Variants in ATP6V1C1 observed in about 807,000 individuals in gnomAD.
ATP6V1C1 encodes V-type proton ATPase subunit C 1.
Under a neutral mutation model 53.9 loss-of-function variants are expected in ATP6V1C1, and 45 were observed. The ratio of observed to expected loss-of-function variants is 0.83; its 90% CI spans 0.66 to 1.07. The LOEUF (loss-of-function observed/expected upper bound fraction) is 1.07. Among genes scored for constraint, ATP6V1C1 ranks in the 50% least tolerant of loss-of-function variants. ATP6V1C1 has a pLI of 0.00. For synonymous variants in ATP6V1C1, 153 were observed against 155.2 expected (o/e 0.99, Z 0.11); for missense variants, 315 against 440.3 (o/e 0.72, Z 2.55).
chr8:103,054,253 TATTG>T (rs1217550318), intron 7 of ATP6V1C1, among the ~76,000 whole-genome samples: 1 of 152,042 alleles, frequency 6.6e-6, no homozygotes, highest in East Asian at 1.9e-4. Flanking sequence ...AATGCTAAAT[TATTG>T]ATTGTTTAAA....
chr8:103,025,884 T>C (rs1427586158), intron 1 of ATP6V1C1, among the ~76,000 whole-genome samples: 1 of 152,230 alleles, frequency 6.6e-6, no homozygotes, highest in Non-Finnish European at 1.5e-5. Flanking sequence ...TTAAAGTCTT[T>C]AAGTTGGTGA....
At chr8:103,039,829 G>A (rs1305447378) in intron 1 of ATP6V1C1, among the ~76,000 whole-genome samples, 3 of 151,950 alleles carry the variant, frequency 2.0e-5, no homozygotes, top group Admixed American at 6.6e-5. Context: ...CTGCCTCTCA[G>A]ATCCAAAAAT....
intron 7 of ATP6V1C1, 131 bp downstream of exon 7, chr8:103,054,113 A>G (rs1030705940): frequency 3.2e-6 from 2 of 626,506 alleles, no homozygotes; most frequent in African/African-American, 1.9e-5. Context: ...TCATTCTGTC[A>G]TCAACATTTG....
intron 2 of ATP6V1C1, among the ~76,000 whole-genome samples, chr8:103,041,675 C>A (rs915967320): frequency 6.6e-6 from 1 of 151,996 alleles, no homozygotes; most frequent in Non-Finnish European, 1.5e-5. Flanking sequence ...AGTTTGAGAC[C>A]AGCATGGCCA....
chr8:103,025,276 G>T (rs1329408708), intron 1 of ATP6V1C1, among the ~76,000 whole-genome samples: 2 of 152,214 alleles, frequency 1.3e-5, no homozygotes, highest in Non-Finnish European at 2.9e-5. Flanking sequence ...GCTATTGGCA[G>T]TTTGGAGGTC....
At chr8:103,055,832 T>C in intron 7 of ATP6V1C1, 36 bp from the exon 8 acceptor site, 1 of 1,590,426 alleles carries the variant, frequency 6.3e-7, no homozygotes, top group Non-Finnish European at 8.6e-7. Flanking sequence ...TAGGACTTGT[T>C]TTTCTTTTCC....
Position 103,048,977 on chromosome 8 carries a change from A to G in ATP6V1C1, c.286+22A>G, listed in dbSNP as rs1011869444. The G allele has an allele frequency of 2.5e-6, 4 of 1,600,310 alleles. No individual in the cohort carries two copies. The African/African-American group carries it at 4.0e-5, about 16-fold the overall frequency. ...GGAGGTAAGCTAATGCTCATGATTG[A>G]TCATTATTAACTCATACAAAGCAAA... is the stretch of plus-strand genomic sequence containing the variant. On this transcript the variant is annotated intron_variant, in intron 4 of 12. Coordinates refer to ENST00000518738, the MANE Select transcript of ATP6V1C1 (RefSeq NM_001695.5).
At chr8:103,065,396 A>G (rs1817470874) in intron 11 of ATP6V1C1, among the ~76,000 whole-genome samples, 1 of 152,088 alleles carries the variant, frequency 6.6e-6, no homozygotes. Context: ...TACTAAAAAT[A>G]TAAAAAAATT....
At chr8:103,047,476 AG>A (rs1364914724) in intron 3 of ATP6V1C1, among the ~76,000 whole-genome samples, 1 of 139,878 alleles carries the variant, frequency 7.1e-6, no homozygotes, top group African/African-American at 2.6e-5. Context: ...TTTTTTTTTA[AG>A]GAAAAAAAAC....
intron 1 of ATP6V1C1, 98 bp from the exon 2 acceptor site, chr8:103,040,700 T>C: frequency 9.3e-7 from 1 of 1,075,402 alleles, no homozygotes. Flanking sequence ...AGATTAGTTT[T>C]GAAACAGGTT....
At chr8:103,046,076 G>A (rs539515991) in intron 3 of ATP6V1C1, among the ~76,000 whole-genome samples, 13 of 152,016 alleles carry the variant, frequency 8.6e-5, no homozygotes, top group South Asian at 2.1e-4. Flanking sequence ...TGAGAAAGGA[G>A]GTCCCTGAGA....
intron 1 of ATP6V1C1, among the ~76,000 whole-genome samples, chr8:103,028,045 T>A (rs759392305): frequency 6.6e-6 from 1 of 152,206 alleles, no homozygotes; most frequent in Non-Finnish European, 1.5e-5. Context: ...TCAGATGAGA[T>A]GTGTGACAAA....
At chr8:103,062,063 T>G (rs1817407889) in intron 8 of ATP6V1C1, among the ~76,000 whole-genome samples, 1 of 152,042 alleles carries the variant, frequency 6.6e-6, no homozygotes, top group African/African-American at 2.4e-5. Context: ...GAATGGAAGT[T>G]CTGACCTCAC....
chr8:103,067,742 G>C (rs556438447), intron 12 of ATP6V1C1, among the ~76,000 whole-genome samples: 2 of 151,224 alleles, frequency 1.3e-5, no homozygotes, highest in Non-Finnish European at 1.5e-5. Context: ...CTGGGATTAT[G>C]CCTGGCTAAT....
chr8:103,022,016 T>C (rs1816605706), intron 1 of ATP6V1C1, among the ~76,000 whole-genome samples: 1 of 152,206 alleles, frequency 6.6e-6, no homozygotes, highest in African/African-American at 2.4e-5. Flanking sequence ...GTGAACAGTC[T>C]ATCCTTAGGA....
rs74674795 is a variant in ATP6V1C1 at position 103,023,908 on chromosome 8, G to C, written c.-40+2683G>C. 1.6e-3 allele frequency among the ~76,000 whole-genome samples: 236 copies of C among 151,416 alleles called. 4 individuals are homozygous for C. In the South Asian group the frequency reaches 0.045, roughly 29 times the overall value. ...TCTTTGATTCAGCATTTTTTTTTGG[G>C]GGGGGGGAACTTCTCCCTGAAGAGT... On this transcript the variant is annotated intron_variant, in intron 1 of 12. Coordinates refer to ENST00000518738, the MANE Select transcript of ATP6V1C1 (RefSeq NM_001695.5).
intron 5 of ATP6V1C1, among the ~76,000 whole-genome samples, chr8:103,051,887 GGA>G (rs1817206307): frequency 6.6e-6 from 1 of 152,058 alleles, no homozygotes; most frequent in Non-Finnish European, 1.5e-5. Context: ...TTAAATTATT[GGA>G]CAGACTTTCC....
At chr8:103,066,820 G>A (rs17790247) in intron 12 of ATP6V1C1, among the ~76,000 whole-genome samples, 33,746 of 151,984 alleles carry the variant, frequency 0.22, 4,010 homozygotes, top group Middle Eastern at 0.28. Context: ...CAATAGATGA[G>A]TATTTTCAAG....
At chr8:103,066,043 G>GA (rs934554831) in intron 11 of ATP6V1C1, among the ~76,000 whole-genome samples, 200 of 147,622 alleles carry the variant, frequency 1.4e-3, no homozygotes, top group African/African-American at 4.2e-3. Context: ...CGTCTCAAAA[G>GA]AAAAAAAAAA....
Sources: allele counts gnomAD v4.1 joint callset (sites outside exome capture counted in the v4.1 genomes callset), GRCh38; gene constraint gnomAD v4.1.1; transcripts MANE v1.5; gene names NCBI Gene and HGNC (gene_info 2026-07-23, HGNC 2026-07-21).